The following PLXNA3 variants were observed in gnomAD, a reference collection of about 807,000 sequenced individuals.
The protein encoded by PLXNA3 is plexin-A3.
PLXNA3 carries 52 observed loss-of-function variants against 118.8 expected under a neutral mutation model. That is an observed-to-expected ratio of 0.44 (90% CI 0.35 to 0.55). The LOEUF (loss-of-function observed/expected upper bound fraction) is 0.55. Ranked by LOEUF, PLXNA3 falls within the 20% of genes least tolerant of loss-of-function variation. The probability of loss-of-function intolerance (pLI) is 0.01; values close to 1 mark genes in which losing one functional copy is unlikely to be tolerated. For synonymous variants in PLXNA3, 925 were observed against 762.4 expected (o/e 1.21, Z -3.51); for missense variants, 1,660 against 1,730.8 (o/e 0.96, Z 0.73).
chrX:154,466,390 C>T lies in PLXNA3; in HGVS notation c.2814C>T (p.Asp938=). 1 of 1,211,549 alleles carries T rather than the reference C, an allele frequency of 8.3e-7. No homozygotes were observed. Among genetic ancestry groups the T allele is most frequent in the South Asian group, 1.8e-5 (1 of 57,012 alleles). ...TTCTCCCGCAGACCCCAACGTTTGA[C>T]CAAGTGAGTCCCAGCCGTGGCCCGG... ...QVYSFVTPTF[D]QVSPSRGPAS... The change falls in exon 16 of 33, where the codon GAC becomes GAT. Residue 938 remains aspartate, a synonymous_variant. Coordinates refer to ENST00000369682, the MANE Select transcript of PLXNA3 (RefSeq NM_017514.5).
In PLXNA3 at chrX:154,468,536, C is replaced by T. The variant is rs146414420; in HGVS notation, c.4197C>T (p.Asn1399=). 1 of 1,210,472 alleles carries T rather than the reference C, an allele frequency of 8.3e-7. No individual in the cohort carries two copies. Residue 1399 remains asparagine, a synonymous_variant, in exon 23 of 33, where the codon AAC becomes AAT. Transcript: ENST00000369682. ...DLIEKNLESK[N]HPKLLLRRTE... The stretch of plus-strand genomic sequence containing the variant: ...TCGAGAAGAACCTCGAGAGCAAGAA[C>T]CACCCCAAGCTGCTGCTACGCAGGT...
intron 10 of PLXNA3, 52 bp from the exon 11 acceptor site, chrX:154,464,961 AGGTTG>A: frequency 9.1e-7 from 1 of 1,096,228 alleles, no homozygotes; most frequent in Non-Finnish European, 1.2e-6. Flanking sequence ...AGCCTTCTCC[AGGTTG>A]GGCCTGGAGA....
intron 3 of PLXNA3, 64 bp from the exon 4 acceptor site, chrX:154,462,064 C>T (rs1603390564): frequency 1.0e-6 from 1 of 968,024 alleles, no homozygotes; most frequent in Non-Finnish European, 1.4e-6. Flanking sequence ...GACACAGGAA[C>T]TGCCGGCCTC....
At position 154,466,737 on chromosome X, in the gene PLXNA3, C is replaced by T. The variant is rs781937663; in HGVS notation, c.3051C>T (p.Tyr1017=). The T allele has an allele frequency of 8.4e-7, 1 of 1,196,077 alleles. No individual in the cohort carries two copies. Among genetic ancestry groups the T allele is most frequent in the South Asian group, 1.8e-5 (1 of 54,814 alleles). ...ACATCTCCAGCCCCGGGCTCATCTA[C>T]ACCTACACTCAGGACCCCACCGTCA... ...RANISSPGLI[Y]TYTQDPTVTR... Residue 1017 remains tyrosine (Y), a synonymous_variant, in exon 17 of 33, where the codon TAC becomes TAT. Coordinates refer to ENST00000369682, the MANE Select transcript of PLXNA3 (RefSeq NM_017514.5).
chrX:154,463,048 C>T (rs1172731861), intron 4 of PLXNA3, among the ~76,000 whole-genome samples: 1 of 111,123 alleles, frequency 9.0e-6, no homozygotes, highest in East Asian at 2.8e-4. Context: ...CTATCCAATT[C>T]ACCCATTTTA....
rs2069013183 is a variant in PLXNA3 at position 154,463,479 on chromosome X, G to A, written c.1406G>A (p.Ser469Asn). The A allele has an allele frequency of 8.3e-7, 1 of 1,203,242 alleles. No homozygotes were observed. The highest frequency in any genetic ancestry group is 1.8e-5 in the African/African-American group (1 of 55,502). ...GSPILRDLLFSPDHRHIYLLS... is the reference protein window; with the variant it reads ...GSPILRDLLFNPDHRHIYLLS... ...CCCATCCTCCGAGACCTGCTCTTCA[G>A]CCCGGACCACCGGCACATCTATCTC... The change falls in exon 5 of 33, where the codon AGC becomes AAC. Residue 469 changes from serine (S) to asparagine (N), a missense_variant. Ser to Asn is a conservative substitution (Grantham distance 46). Around this residue, in one of 2 missense-constraint regions of PLXNA3, gnomAD observed 791 missense variants for 652.1 expected, o/e 1.21. Coordinates refer to ENST00000369682, the MANE Select transcript of PLXNA3 (RefSeq NM_017514.5).
rs1557209085 is a variant in PLXNA3, at chrX:154,470,457, T to C, written c.5002T>C (p.Phe1668Leu). Reference protein sequence around the residue: ...LLATKGTLQKFVDDLFETVFS... With the variant: ...LLATKGTLQKLVDDLFETVFS... ...CCCCACACAGGGCACACTGCAGAAG[T>C]TCGTGGATGACCTCTTTGAGACAGT... is the stretch of plus-strand genomic sequence containing the variant. Residue 1668 changes from phenylalanine (F) to leucine (L), a missense_variant, in exon 30 of 33, where the codon TTC (phenylalanine) becomes CTC (leucine). Physicochemically the swap from Phe to Leu is conservative, Grantham distance 22 (BLOSUM62 0). Around this residue, in one of 2 missense-constraint regions of PLXNA3, gnomAD observed 869 missense variants for 1,078.7 expected, o/e 0.81. Coordinates refer to ENST00000369682, the MANE Select transcript of PLXNA3 (RefSeq NM_017514.5). The C allele has an allele frequency of 8.3e-7, 1 of 1,210,001 alleles. No individual in the cohort carries two copies. The highest frequency in any genetic ancestry group is 1.8e-5 in the South Asian group (1 of 56,785).
chrX:154,459,650 A>G (rs1236513941), intron 1 of PLXNA3, among the ~76,000 whole-genome samples: 1 of 112,486 alleles, frequency 8.9e-6, no homozygotes, highest in African/African-American at 3.2e-5. Flanking sequence ...GGGCCCCTGC[A>G]GGGGACATGG....
Position 154,464,326 on chromosome X carries a change from G to T in PLXNA3, c.1828+13G>T. 1 of 1,204,995 alleles carries T rather than the reference G, an allele frequency of 8.3e-7. No individual in the cohort carries two copies. ...ACCAGGGGGCATGGTCAGTGGGTTGGGGCTGCCCAGGATGGGGCAGAGTGG... is the reference window on the plus strand; with the variant it reads ...ACCAGGGGGCATGGTCAGTGGGTTGTGGCTGCCCAGGATGGGGCAGAGTGG... On this transcript the variant is annotated intron_variant, in intron 8 of 32. Coordinates refer to ENST00000369682, the MANE Select transcript of PLXNA3 (RefSeq NM_017514.5).
rs2069239433 is a variant in PLXNA3 at position 154,476,832 on chromosome X, AGTTTCCTG to A, written c.*4150_*4157del. On this transcript the variant is annotated 3_prime_UTR_variant, in exon 33 of 33. Coordinates refer to ENST00000369682, the MANE Select transcript of PLXNA3 (RefSeq NM_017514.5). ...GCGACTGGCCCAGTGTCCTGTGTGG[AGTTTCCTG>A]GTGGAGCCTGGCAGACACCCGGACT... 1 of 112,179 alleles carries A rather than the reference AGTTTCCTG, an allele frequency of 8.9e-6. No individual in the cohort carries two copies. The highest frequency in any genetic ancestry group is 2.8e-4 in the East Asian group (1 of 3,604). 9.2% of individuals were successfully genotyped at this position (112,179 alleles called of 1,213,427 possible). A position where few individuals can be genotyped will look rare whatever the true frequency, so the allele number is the denominator to read the frequency against.
At chrX:154,463,713 G>C (rs376846373) in intron 6 of PLXNA3, 23 bp downstream of exon 6, 35 of 1,142,154 alleles carry the variant, frequency 3.1e-5, no homozygotes, top group Non-Finnish European at 3.8e-5. Context: ...ACCCCTGCTC[G>C]GGGAGTTGGA....
In PLXNA3 at chrX:154,465,863, C is replaced by T. The variant is rs782304494; in HGVS notation, c.2532+16C>T. ...CATCACGCAGGTCAGCCTCCCTCAC[C>T]GCCCCTGCCCACTGCCAACAGGGCC... On this transcript the variant is annotated intron_variant, in intron 13 of 32. Coordinates refer to ENST00000369682, the MANE Select transcript of PLXNA3 (RefSeq NM_017514.5). 3.7e-5 allele frequency: 45 copies of T among 1,207,807 alleles called. No homozygotes were observed. Among genetic ancestry groups the T allele is most frequent in the South Asian group, 2.7e-4 (15 of 56,447 alleles).
In PLXNA3 at chrX:154,468,168, G is replaced by A. The variant is rs781795483; in HGVS notation, c.3907G>A (p.Ala1303Thr). 7 of 1,187,579 alleles carry A rather than the reference G, an allele frequency of 5.9e-6. No homozygotes were observed. The African/African-American group carries it at 1.1e-4, about 18-fold the overall frequency. Residue 1303 changes from alanine to threonine, a missense_variant, in exon 22 of 33, where the codon GCC becomes ACC. Ala to Thr is a moderately conservative substitution (Grantham distance 58). This residue lies in a region of PLXNA3 where 869 missense variants were observed against 1,078.7 expected (regional missense o/e 0.81). Coordinates refer to ENST00000369682, the MANE Select transcript of PLXNA3 (RefSeq NM_017514.5). Reference sequence around the variant, plus strand: ...CCCCTTCCTGGACTACCGGACTTACGCCGTGCGCGTGCTCTTCCCGGGCAT... The same window carrying A: ...CCCCTTCCTGGACTACCGGACTTACACCGTGCGCGTGCTCTTCCCGGGCAT... Reference protein sequence around the residue: ...QIPFLDYRTYAVRVLFPGIEA... With the variant: ...QIPFLDYRTYTVRVLFPGIEA...
In PLXNA3 at chrX:154,464,210, C is replaced by T; in HGVS notation, c.1725C>T (p.Ala575=). ...VPDLSAGVSC[A]FEAAAENEAV... Reference sequence around the variant, plus strand: ...ACCTCAGTGCGGGCGTGAGCTGCGCCTTCGAGGCGGCGGCGGAGAACGAGG... The same window carrying T: ...ACCTCAGTGCGGGCGTGAGCTGCGCTTTCGAGGCGGCGGCGGAGAACGAGG... Residue 575 remains alanine (A), a synonymous_variant, in exon 8 of 33, where the codon GCC becomes GCT. Coordinates refer to ENST00000369682, the MANE Select transcript of PLXNA3 (RefSeq NM_017514.5). 1 of 1,208,947 alleles carries T rather than the reference C, an allele frequency of 8.3e-7. No individual in the cohort carries two copies. Among genetic ancestry groups the T allele is most frequent in the Non-Finnish European group, 1.1e-6 (1 of 894,597 alleles).
intron 32 of PLXNA3, among the ~76,000 whole-genome samples, chrX:154,471,852 C>G (rs1401165429): frequency 8.9e-6 from 1 of 112,724 alleles, no homozygotes; most frequent in Non-Finnish European, 1.9e-5. Flanking sequence ...AAAGTGGCCA[C>G]TGGGCAAAAG....
chrX:154,459,309 G>C (rs2068896535), intron 1 of PLXNA3, among the ~76,000 whole-genome samples: 1 of 111,173 alleles, frequency 9.0e-6, no homozygotes, highest in Non-Finnish European at 1.9e-5. Context: ...GACTGGGTGT[G>C]GCCTGGGGAC....
chrX:154,465,110 G>A lies in PLXNA3; in HGVS notation c.2136G>A (p.Pro712=), dbSNP rs373769498. The A allele has an allele frequency of 4.3e-5, 52 of 1,209,089 alleles. No homozygotes were observed. The highest frequency in any genetic ancestry group is 1.9e-4 in the South Asian group (11 of 56,759). Residue 712 remains proline (P), a synonymous_variant, in exon 11 of 33, where the codon CCG becomes CCA. Transcript: ENST00000369682. ...TGCGGGCTAAGAACCTACCTCAGCC[G>A]CAGTCGGGCCAGAAGAACTATGAGT... ...LTLRAKNLPQ[P]QSGQKNYECV... is the part of the protein sequence containing the mutation.
intron 15 of PLXNA3, 37 bp downstream of exon 15, chrX:154,466,307 C>A (rs1557207078): frequency 8.3e-7 from 1 of 1,210,623 alleles, no homozygotes; most frequent in African/African-American, 1.7e-5. Flanking sequence ...CCTGTCCCTT[C>A]TCTCTCCCGC....
At position 154,467,374 on chromosome X, in the gene PLXNA3, A is replaced by G; in HGVS notation, c.3344A>G (p.Asn1115Ser). 6 of 1,202,333 alleles carry G rather than the reference A, an allele frequency of 5.0e-6. No homozygotes were observed. The highest frequency in any genetic ancestry group is 6.7e-6 in the Non-Finnish European group (6 of 894,906). The stretch of plus-strand genomic sequence containing the variant: ...CACGTGCAAACGGCCCGCTCCCTCA[A>G]CCGCTCCTCCTTTACCTACTACCCT... Reference protein sequence around the residue: ...LDHVQTARSLNRSSFTYYPDP... With the variant: ...LDHVQTARSLSRSSFTYYPDP... Residue 1115 changes from asparagine (N) to serine (S), a missense_variant, in exon 19 of 33, where the codon AAC (asparagine) becomes AGC (serine). Asn to Ser is a conservative substitution (Grantham distance 46). Coordinates refer to ENST00000369682, the MANE Select transcript of PLXNA3 (RefSeq NM_017514.5).
Sources: gnomAD v4.1 joint callset for allele counts (sites outside exome capture counted in the v4.1 genomes callset) on GRCh38, gnomAD v4.1.1 for gene constraint, gnomAD v4.1.1 regional missense constraint, MANE v1.5 for transcripts, NCBI Gene and HGNC (gene_info 2026-07-23, HGNC 2026-07-21) for gene names.